The following RPTOR variants were observed in gnomAD, a reference collection of about 807,000 sequenced individuals.
RPTOR encodes the protein regulatory-associated protein of mTOR.
A neutral mutation model predicts 169.9 loss-of-function variants in RPTOR; 21 were observed. The observed-to-expected ratio is 0.12, with a 90% CI of 0.09 to 0.18. RPTOR has a LOEUF of 0.18. RPTOR is among the 10% of genes least tolerant of loss of function. The probability of loss-of-function intolerance (pLI) is 1.00; values close to 1 mark genes in which losing one functional copy is unlikely to be tolerated. For missense variants in RPTOR, 1,133 were observed against 1,855.9 expected, an observed-to-expected ratio of 0.61 and a Z score of 7.16; for synonymous variants, 732 against 753.2, an observed-to-expected ratio of 0.97 and a Z score of 0.46.
chr17:80,587,882 C>G (rs1478243772), intron 1 of RPTOR, among the ~76,000 whole-genome samples: 2 of 151,894 alleles, frequency 1.3e-5, no homozygotes, highest in Admixed American at 6.6e-5. Context: ...TGAACTTACT[C>G]TCTGTCCAAC....
intron 24 of RPTOR, among the ~76,000 whole-genome samples, chr17:80,935,395 G>A (rs991482592): frequency 4.6e-5 from 7 of 152,020 alleles, no homozygotes; most frequent in African/African-American, 1.7e-4. Flanking sequence ...AAAATAACCA[G>A]AACAATTTTG....
intron 5 of RPTOR, among the ~76,000 whole-genome samples, chr17:80,735,102 A>G (rs540221447): frequency 6.2e-4 from 94 of 152,354 alleles, no homozygotes; most frequent in Non-Finnish European, 6.5e-4. Context: ...GGCCAGAGCC[A>G]GGTCACGTAG....
chr17:80,606,115 C>T (rs531484384), intron 1 of RPTOR, among the ~76,000 whole-genome samples: 1 of 152,010 alleles, frequency 6.6e-6, no homozygotes, highest in East Asian at 1.9e-4. Context: ...GGGTTCACGC[C>T]GTTCTCCTGC....
chr17:80,758,599 A>ACT (rs1398434537), intron 6 of RPTOR, among the ~76,000 whole-genome samples: 3 of 152,028 alleles, frequency 2.0e-5, no homozygotes, highest in Admixed American at 6.6e-5. Flanking sequence ...AAAGATAGAA[A>ACT]ATCACCCAGG....
intron 2 of RPTOR, among the ~76,000 whole-genome samples, chr17:80,634,488 C>A (rs2065477792): frequency 1.2e-5 from 1 of 82,100 alleles, no homozygotes; most frequent in Non-Finnish European, 2.2e-5. Context: ...ACTGTGTGTG[C>A]ATACTGTGTG....
At chr17:80,859,304 A>G (rs1364557917) in intron 13 of RPTOR, among the ~76,000 whole-genome samples, 1 of 152,250 alleles carries the variant, frequency 6.6e-6, no homozygotes, top group Non-Finnish European at 1.5e-5. Context: ...AGAGCTGTAC[A>G]GAGTGGTGCA....
At chr17:80,891,285 C>T (rs2068319640) in intron 17 of RPTOR, among the ~76,000 whole-genome samples, 1 of 152,286 alleles carries the variant, frequency 6.6e-6, no homozygotes, top group Admixed American at 6.5e-5. Flanking sequence ...GTCCGCTGCA[C>T]TCGGCCCTGG....
intron 3 of RPTOR, among the ~76,000 whole-genome samples, chr17:80,656,664 G>C (rs1290727774): frequency 6.6e-6 from 1 of 152,176 alleles, no homozygotes; most frequent in Non-Finnish European, 1.5e-5. Context: ...GAGCCACTTG[G>C]GACTTTTGCC....
chr17:80,859,645 C>T (rs2143759972), intron 13 of RPTOR, among the ~76,000 whole-genome samples: 1 of 152,300 alleles, frequency 6.6e-6, no homozygotes, highest in South Asian at 2.1e-4. Flanking sequence ...AGCAAACCAG[C>T]CCCAGCAACT....
chr17:80,684,720 C>T (rs2065923950), intron 3 of RPTOR, among the ~76,000 whole-genome samples: 1 of 152,164 alleles, frequency 6.6e-6, no homozygotes, highest in South Asian at 2.1e-4. Context: ...GCTGGGATTA[C>T]AGGCGTGAGC....
chr17:80,855,407 T>G, intron 11 of RPTOR, 57 bp from the exon 12 acceptor site: 2 of 1,316,318 alleles, frequency 1.5e-6, no homozygotes, highest in East Asian at 4.6e-5. Context: ...CAGCAGCGTT[T>G]CGGGGTTGCA....
intron 6 of RPTOR, among the ~76,000 whole-genome samples, chr17:80,785,762 A>G (rs764415212): frequency 6.6e-5 from 10 of 152,134 alleles, no homozygotes; most frequent in Non-Finnish European, 1.3e-4. Context: ...TGACAATGAC[A>G]GTCATGATGG....
intron 1 of RPTOR, among the ~76,000 whole-genome samples, chr17:80,580,978 T>G (rs2065008710): frequency 6.6e-6 from 1 of 152,070 alleles, no homozygotes; most frequent in African/African-American, 2.4e-5. Context: ...ATCCTGAGAA[T>G]TGTTTTGTTC....
intron 33 of RPTOR, among the ~76,000 whole-genome samples, 193 bp from the exon 34 acceptor site, chr17:80,964,069 C>T (rs1178819839): frequency 6.6e-6 from 1 of 152,176 alleles, no homozygotes; most frequent in African/African-American, 2.4e-5. Context: ...ACGCCCCTCA[C>T]GGAGTGCACC....
chr17:80,769,903 T>C (rs966932231), intron 6 of RPTOR, among the ~76,000 whole-genome samples: 20 of 149,050 alleles, frequency 1.3e-4, no homozygotes, highest in African/African-American at 4.5e-4. Context: ...GCCTTCTTTG[T>C]GGTAGGTGCT....
At chr17:80,871,412 C>G (rs956559073) in intron 13 of RPTOR, among the ~76,000 whole-genome samples, 10 of 152,184 alleles carry the variant, frequency 6.6e-5, no homozygotes, top group African/African-American at 2.4e-4. Context: ...GAGAGGAAGA[C>G]CACAGAGGGG....
At chr17:80,606,166 C>T (rs746179422) in intron 1 of RPTOR, among the ~76,000 whole-genome samples, 4 of 152,116 alleles carry the variant, frequency 2.6e-5, no homozygotes, top group Non-Finnish European at 5.9e-5. Context: ...AACCCACCAC[C>T]ATGTCCGGCT....
rs760890127 is a variant in RPTOR, at chr17:80,908,934, G to A, written c.2520+5G>A. The A allele has an allele frequency of 5.6e-6, 9 of 1,603,824 alleles. No individual in the cohort carries two copies. Among genetic ancestry groups the A allele is most frequent in the African/African-American group, 4.0e-5 (3 of 74,806 alleles). ...CTCAACAGCATCGCCTACAAGGTACGTGCCGGGCGCTCCCCACCGCGCTCC... is the reference window on the plus strand; with the variant it reads ...CTCAACAGCATCGCCTACAAGGTACATGCCGGGCGCTCCCCACCGCGCTCC... On this transcript the variant is annotated splice_donor_5th_base_variant and intron_variant, in intron 21 of 33. Transcript: ENST00000306801.
At chr17:80,601,005 G>T (rs1400685668) in intron 1 of RPTOR, among the ~76,000 whole-genome samples, 1 of 152,144 alleles carries the variant, frequency 6.6e-6, no homozygotes, top group Non-Finnish European at 1.5e-5. Flanking sequence ...CTTGGATCTG[G>T]ATGGGCTGTG....
Sources: allele counts gnomAD v4.1 joint callset (sites outside exome capture counted in the v4.1 genomes callset), GRCh38; gene constraint gnomAD v4.1.1; transcripts MANE v1.5; gene names NCBI Gene and HGNC (gene_info 2026-07-23, HGNC 2026-07-21).